Variants in KIAA0319 observed in about 807,000 individuals in gnomAD.
KIAA0319 encodes dyslexia-associated protein KIAA0319.
Under a neutral mutation model 108.4 loss-of-function variants are expected in KIAA0319, and 83 were observed. That is an observed-to-expected ratio of 0.77 (90% CI 0.64 to 0.92). The LOEUF is 0.92. Among genes scored for constraint, KIAA0319 ranks in the 40% least tolerant of loss-of-function variants. The pLI, the probability that KIAA0319 is intolerant of heterozygous loss-of-function variation, is 0.00. For missense variants in KIAA0319, 1,195 were observed against 1,322.4 expected, an observed-to-expected ratio of 0.90 and a Z score of 1.49; for synonymous variants, 484 against 510.4, an observed-to-expected ratio of 0.95 and a Z score of 0.70.
At chr6:24,570,171 T>C in intron 11 of KIAA0319, 136 bp from the exon 12 acceptor site, 1 of 807,070 alleles carries the variant, frequency 1.2e-6, no homozygotes, top group Non-Finnish European at 1.9e-6. Context: ...TTTGGAATCC[T>C]GGAGTGAAGC....
At chr6:24,563,276 GA>G in intron 16 of KIAA0319, 82 bp downstream of exon 16, 1 of 1,427,092 alleles carries the variant, frequency 7.0e-7, no homozygotes, top group South Asian at 1.4e-5. Flanking sequence ...GCAGAGGAAT[GA>G]ACAGTTTTCT....
intron 19 of KIAA0319, among the ~76,000 whole-genome samples, chr6:24,553,331 A>ATG (rs1561913589): frequency 3.7e-4 from 27 of 72,566 alleles, no homozygotes; most frequent in Middle Eastern, 8.3e-3. Context: ...ACACACACAC[A>ATG]CACACGCACA....
chr6:24,547,437 G>T (rs1291145175), intron 20 of KIAA0319, 94 bp from the exon 21 acceptor site: 8 of 1,063,962 alleles, frequency 7.5e-6, no homozygotes, highest in South Asian at 1.4e-5. Flanking sequence ...TGGGCACGGA[G>T]TGGTGCTCTC....
chr6:24,563,432 G>A lies in KIAA0319; in HGVS notation c.2518C>T (p.Gln840Ter), dbSNP rs1026567080. ...TEQRKDTLVR[Q>*]LAVLLNVLDS... is the part of the protein sequence containing the mutation. Reference sequence around the variant, plus strand: ...AGCACGTTCAGCAGCACAGCCAGCTGCCTCACAAGGGTGTCCTTCCGCTGC... The same window carrying A: ...AGCACGTTCAGCAGCACAGCCAGCTACCTCACAAGGGTGTCCTTCCGCTGC... The change falls in exon 16 of 21, where the codon CAG becomes TAG. Residue 840 changes from glutamine (Q) to a stop codon, truncating the protein, a stop_gained. Coordinates refer to ENST00000378214, the MANE Select transcript of KIAA0319 (RefSeq NM_014809.4). LOFTEE classifies it high-confidence loss of function. The A allele has an allele frequency of 1.2e-6, 2 of 1,613,904 alleles. No individual in the cohort carries two copies. The highest frequency in any genetic ancestry group is 1.7e-6 in the Non-Finnish European group (2 of 1,179,972).
At chr6:24,591,180 T>C (rs990984460) in intron 3 of KIAA0319, among the ~76,000 whole-genome samples, 2 of 152,242 alleles carry the variant, frequency 1.3e-5, no homozygotes, top group African/African-American at 4.8e-5. Flanking sequence ...AGTACTGTTA[T>C]GAACATTCAT....
At chr6:24,598,220 TC>T in intron 2 of KIAA0319, 1 of 528,300 alleles carries the variant, frequency 1.9e-6, no homozygotes, top group Non-Finnish European at 3.5e-6. Flanking sequence ...ATGGAGGGCA[TC>T]ACAGCCATCA....
At chr6:24,631,455 TG>T (rs1435754855) in intron 1 of KIAA0319, among the ~76,000 whole-genome samples, 1 of 152,182 alleles carries the variant, frequency 6.6e-6, no homozygotes, top group Non-Finnish European at 1.5e-5. Flanking sequence ...GAGAAAGAAA[TG>T]GTAAGAAACA....
At chr6:24,620,719 G>A (rs1773817477) in intron 1 of KIAA0319, among the ~76,000 whole-genome samples, 2 of 152,116 alleles carry the variant, frequency 1.3e-5, no homozygotes, top group South Asian at 2.1e-4. Context: ...CTTAAATAAC[G>A]GAATTTATTT....
At chr6:24,638,479 A>G (rs956880540) in intron 1 of KIAA0319, among the ~76,000 whole-genome samples, 2 of 152,156 alleles carry the variant, frequency 1.3e-5, no homozygotes, top group African/African-American at 4.8e-5. Flanking sequence ...AGAAAGAGGC[A>G]GCCGGGCGTG....
intron 1 of KIAA0319, among the ~76,000 whole-genome samples, chr6:24,622,547 G>C (rs1774118526): frequency 6.6e-6 from 1 of 152,104 alleles, no homozygotes; most frequent in Admixed American, 6.5e-5. Context: ...ATTCAAAATA[G>C]GATTGTTAAA....
In KIAA0319 at chr6:24,569,908, G is replaced by T; in HGVS notation, c.1986C>A (p.His662Gln). Reference protein sequence around the residue: ...DHGIVFYHWEHVRGPSAVEME... With the variant: ...DHGIVFYHWEQVRGPSAVEME... The stretch of plus-strand genomic sequence containing the variant: ...TCAGTGGCGAGACAGACTACCTGAC[G>T]TGCTCCCAGTGGTAGAAGACAATGC... The change falls in exon 12 of 21, where the codon CAC becomes CAA. Residue 662 changes from histidine (H) to glutamine (Q), a missense_variant. Coordinates refer to ENST00000378214, the MANE Select transcript of KIAA0319 (RefSeq NM_014809.4). 6.2e-7 allele frequency: 1 copy of T among 1,614,016 alleles called. No homozygotes were observed. The highest frequency in any genetic ancestry group is 8.5e-7 in the Non-Finnish European group (1 of 1,179,898).
intron 1 of KIAA0319, among the ~76,000 whole-genome samples, chr6:24,633,341 T>C (rs1322533492): frequency 6.6e-6 from 1 of 152,152 alleles, no homozygotes; most frequent in Non-Finnish European, 1.5e-5. Flanking sequence ...TTTTTAAACA[T>C]AATCATAAAA....
At chr6:24,569,514 A>G (rs936797217) in intron 12 of KIAA0319, among the ~76,000 whole-genome samples, 2 of 152,328 alleles carry the variant, frequency 1.3e-5, no homozygotes, top group African/African-American at 4.8e-5. Context: ...ACAGGGTTCT[A>G]TGAGACAGAG....
chr6:24,641,196 C>G (rs1776864735), intron 1 of KIAA0319, among the ~76,000 whole-genome samples: 1 of 152,226 alleles, frequency 6.6e-6, no homozygotes. Context: ...TAGCGTAATG[C>G]CTTCAAGGTT....
Position 24,583,722 on chromosome 6 carries a change from A to C in KIAA0319, c.995-20T>G. 1 of 1,392,552 alleles carries C rather than the reference A, an allele frequency of 7.2e-7. No individual in the cohort carries two copies. The highest frequency in any genetic ancestry group is 2.3e-5 in the East Asian group (1 of 43,864). 86.3% of individuals were successfully genotyped at this position (1,392,552 alleles called of 1,614,324 possible). A position where few individuals can be genotyped will look rare whatever the true frequency, so the allele number is the denominator to read the frequency against. ...CTTTCACTAAAAGTTAATTAGAAATAATACGTGCAATTATATAATATAATG... is the reference window on the plus strand; with the variant it reads ...CTTTCACTAAAAGTTAATTAGAAATCATACGTGCAATTATATAATATAATG... On this transcript the variant is annotated intron_variant, in intron 4 of 20. Transcript: ENST00000378214.
chr6:24,551,224 C>A (rs536031979), intron 20 of KIAA0319, among the ~76,000 whole-genome samples: 3 of 151,600 alleles, frequency 2.0e-5, no homozygotes, highest in Admixed American at 2.0e-4. Flanking sequence ...TGAGCTCAGG[C>A]GCCTTGGCCT....
intron 3 of KIAA0319, among the ~76,000 whole-genome samples, chr6:24,594,540 T>C (rs187673493): frequency 8.0e-5 from 12 of 150,866 alleles, no homozygotes; most frequent in African/African-American, 2.9e-4. Context: ...GGCAGGAGAA[T>C]CGCTTGAACC....
intron 4 of KIAA0319, among the ~76,000 whole-genome samples, chr6:24,587,954 A>G (rs950801603): frequency 6.6e-6 from 1 of 152,224 alleles, no homozygotes; most frequent in Non-Finnish European, 1.5e-5. Context: ...GGGATTCTCT[A>G]TACCCATCCA....
rs1770237885 is a variant in KIAA0319 at position 24,599,286 on chromosome 6, C to CAGA, written c.55+1760_55+1762dup. 1 of 487,308 alleles carries CAGA rather than the reference C, an allele frequency of 2.1e-6. No individual in the cohort carries two copies. The highest frequency in any genetic ancestry group is 2.0e-5 in the African/African-American group (1 of 51,080). The allele number at this position is 487,308 out of a possible 1,614,324, so 30.2% of individuals were successfully genotyped here. A position where few individuals can be genotyped will look rare whatever the true frequency, so the allele number is the denominator to read the frequency against. ...AAAGATGGAGATCTCTGAGATGAAT[C>CAGA]AGAACATCAGCCGGCTCCAGACTGA... On this transcript the variant is annotated intron_variant, in intron 2 of 20. Transcript: ENST00000378214. The surrounding 1 kb of genome is among the most constrained non-coding windows in gnomAD (Gnocchi z 4.1).
Sources: gnomAD v4.1 joint callset for allele counts (sites outside exome capture counted in the v4.1 genomes callset) on GRCh38, gnomAD v4.1.1 for gene constraint, Gnocchi (gnomAD v3.1) non-coding constraint, MANE v1.5 for transcripts, NCBI Gene and HGNC (gene_info 2026-07-23, HGNC 2026-07-21) for gene names.